AP3S1: variants seen among roughly 807,000 people sequenced by gnomAD.
AP3S1 encodes the protein adaptor related protein complex 3 subunit sigma 1.
In AP3S1, 12 loss-of-function variants were observed where a neutral mutation model predicts 21.3. The observed-to-expected ratio is 0.56, with a 90% CI of 0.36 to 0.91. AP3S1 has a LOEUF of 0.91. Ranked by LOEUF, AP3S1 falls within the 40% of genes least tolerant of loss-of-function variation. The pLI is 0.01. For synonymous variants in AP3S1, 48 were observed against 78.4 expected, an observed-to-expected ratio of 0.61 and a Z score of 2.05; for missense variants, 116 against 225.0, an observed-to-expected ratio of 0.52 and a Z score of 3.10.
intron 1 of AP3S1, among the ~76,000 whole-genome samples, chr5:115,861,860 C>CCTTT (rs1554065851): frequency 2.0e-4 from 24 of 120,118 alleles, no homozygotes; most frequent in African/African-American, 2.3e-4. Context: ...ATTTTCTTTT[C>CCTTT]TTTTCTTTTT....
chr5:115,880,033 C>T (rs574678502), intron 3 of AP3S1, among the ~76,000 whole-genome samples: 6 of 152,232 alleles, frequency 3.9e-5, no homozygotes, highest in African/African-American at 1.4e-4. Context: ...GTTTGTATTT[C>T]TGTGGGATCA....
At chr5:115,892,469 C>T (rs6875708) in intron 3 of AP3S1, among the ~76,000 whole-genome samples, 2,217 of 152,124 alleles carry the variant, frequency 0.015, 39 homozygotes, top group African/African-American at 0.048. Flanking sequence ...CAATGGAGTA[C>T]GAGCAAAAAG....
At chr5:115,907,883 A>G (rs1395109414) in intron 5 of AP3S1, among the ~76,000 whole-genome samples, 1 of 152,178 alleles carries the variant, frequency 6.6e-6, no homozygotes, top group East Asian at 1.9e-4. Flanking sequence ...AGCAAAAGAA[A>G]TGTTTATAAG....
chr5:115,902,537 G>A (rs1015882875), intron 4 of AP3S1, among the ~76,000 whole-genome samples: 1 of 152,024 alleles, frequency 6.6e-6, no homozygotes, highest in African/African-American at 2.4e-5. Context: ...TCATATTTTA[G>A]TATTAAACTT....
At chr5:115,870,554 T>A (rs1377715239) in intron 3 of AP3S1, among the ~76,000 whole-genome samples, 2 of 152,222 alleles carry the variant, frequency 1.3e-5, no homozygotes, top group African/African-American at 4.8e-5. Flanking sequence ...TAAATCTTGC[T>A]TCCCTGATGA....
At chr5:115,860,612 G>C (rs1422779434) in intron 1 of AP3S1, among the ~76,000 whole-genome samples, 1 of 152,062 alleles carries the variant, frequency 6.6e-6, no homozygotes, top group African/African-American at 2.4e-5. Context: ...TGCCTAGTTT[G>C]TGACACAAAT....
chr5:115,887,971 C>G (rs1217561041), intron 3 of AP3S1, among the ~76,000 whole-genome samples: 7 of 152,068 alleles, frequency 4.6e-5, no homozygotes, highest in African/African-American at 1.4e-4. Context: ...TTTTCGAAAT[C>G]TATTTACTTT....
intron 1 of AP3S1, among the ~76,000 whole-genome samples, chr5:115,865,289 CTCTAGCTTACTTTAAGAATTG>C (rs1763524706): frequency 6.6e-6 from 1 of 152,074 alleles, no homozygotes; most frequent in Non-Finnish European, 1.5e-5. Context: ...ATTTTCTTTT[CTCTAGCTTACTTTAAGAATTG>C]TTAAGAGAAA....
chr5:115,913,266 A>G (rs1752241505), intron 5 of AP3S1, 96 bp from the exon 6 acceptor site: 1 of 945,212 alleles, frequency 1.1e-6, no homozygotes, highest in African/African-American at 2.0e-5. Flanking sequence ...TTGTTATATG[A>G]AAATCTTTTA....
rs146064204 is a variant in AP3S1, at chr5:115,888,177, G to C, written c.274-6910G>C. On this transcript the variant is annotated intron_variant, in intron 3 of 5. Coordinates refer to ENST00000316788, the MANE Select transcript of AP3S1 (RefSeq NM_001284.4). ...TTAGATACCTGTTATATTGAAATTGGCTTTAAACTTTATATCATTTTAAAG... is the reference window on the plus strand; with the variant it reads ...TTAGATACCTGTTATATTGAAATTGCCTTTAAACTTTATATCATTTTAAAG... Among the ~76,000 whole-genome samples, 80 of 152,094 alleles carry C rather than the reference G, an allele frequency of 5.3e-4. No individual in the cohort carries two copies. The East Asian group carries it at 0.013, about 25-fold the overall frequency.
At chr5:115,853,050 A>G (rs1180667701) in intron 1 of AP3S1, 2 of 454,498 alleles carry the variant, frequency 4.4e-6, no homozygotes, top group South Asian at 3.1e-5. Context: ...GAAATGCCAG[A>G]CTATATTCTA....
chr5:115,844,052 T>C (rs755694411), intron 1 of AP3S1, among the ~76,000 whole-genome samples: 9 of 152,232 alleles, frequency 5.9e-5, no homozygotes, highest in Non-Finnish European at 1.0e-4. Flanking sequence ...AGAAGTTGTT[T>C]CTGTGTTTTA....
chr5:115,899,290 A>G (rs928473080), intron 4 of AP3S1, among the ~76,000 whole-genome samples: 1 of 152,238 alleles, frequency 6.6e-6, no homozygotes, highest in Non-Finnish European at 1.5e-5. Flanking sequence ...GCTACTAGCC[A>G]TTAATAACAT....
chr5:115,871,225 C>A (rs904024258), intron 3 of AP3S1, among the ~76,000 whole-genome samples: 3 of 152,164 alleles, frequency 2.0e-5, no homozygotes, highest in African/African-American at 7.2e-5. Flanking sequence ...ACAGTCAATG[C>A]CTCTGCTCAC....
intron 3 of AP3S1, among the ~76,000 whole-genome samples, chr5:115,871,685 G>GA (rs912876223): frequency 6.1e-5 from 9 of 146,862 alleles, no homozygotes; most frequent in South Asian, 4.3e-4. Context: ...ATACCTAGAG[G>GA]AAAAAAAAAA....
At chr5:115,877,525 A>G (rs1255328713) in intron 3 of AP3S1, among the ~76,000 whole-genome samples, 1 of 152,220 alleles carries the variant, frequency 6.6e-6, no homozygotes, top group Non-Finnish European at 1.5e-5. Flanking sequence ...TGCAAAGGAC[A>G]GGAACTCATC....
At chr5:115,888,668 C>T (rs377681555) in intron 3 of AP3S1, among the ~76,000 whole-genome samples, 213 of 151,924 alleles carry the variant, frequency 1.4e-3, no homozygotes, top group African/African-American at 4.8e-3. Context: ...TAAATGTGGA[C>T]AGCATTTTTT....
At chr5:115,904,501 A>C (rs143731145) in intron 5 of AP3S1, among the ~76,000 whole-genome samples, 1 of 152,286 alleles carries the variant, frequency 6.6e-6, no homozygotes, top group African/African-American at 2.4e-5. Flanking sequence ...TCAATTTCCC[A>C]TTCCTGTTGG....
rs977255252 is a variant in AP3S1 at position 115,842,086 on chromosome 5, T to C, written c.49T>C (p.Ser17Pro). ...IFNNHGKPRL[S>P]KFYQPYSEDT... ...CAACAACCACGGGAAGCCGCGGCTCTCCAAGTTCTACCAGCCCTACGTGAG... is the reference window on the plus strand; with the variant it reads ...CAACAACCACGGGAAGCCGCGGCTCCCCAAGTTCTACCAGCCCTACGTGAG... The change falls in exon 1 of 6, where the codon TCC becomes CCC. Residue 17 changes from serine to proline, a missense_variant. Physicochemically the swap from Ser to Pro is moderately conservative, Grantham distance 74 (BLOSUM62 -1). Around this residue, in one of 3 missense-constraint regions of AP3S1, gnomAD observed 50 missense variants for 55.5 expected, o/e 0.90. Coordinates refer to ENST00000316788, the MANE Select transcript of AP3S1 (RefSeq NM_001284.4). The C allele has an allele frequency of 4.4e-6, 7 of 1,580,096 alleles. No individual in the cohort carries two copies.
Sources: allele counts gnomAD v4.1 joint callset (sites outside exome capture counted in the v4.1 genomes callset), GRCh38; gene constraint gnomAD v4.1.1; regional missense constraint gnomAD v4.1.1; transcripts MANE v1.5; gene names NCBI Gene and HGNC (gene_info 2026-07-23, HGNC 2026-07-21).